The following DLGAP1 variants were observed in gnomAD, a reference collection of about 807,000 sequenced individuals.
DLGAP1 encodes DLG associated protein 1, also known as disks large-associated protein 1.
Under a neutral mutation model 90.8 loss-of-function variants are expected in DLGAP1, and 11 were observed. The ratio of observed to expected loss-of-function variants is 0.12; its 90% CI spans 0.08 to 0.20. The LOEUF is 0.20. Ranked by LOEUF, DLGAP1 falls within the 10% of genes least tolerant of loss-of-function variation. The probability of loss-of-function intolerance (pLI) is 1.00; values close to 1 mark genes in which losing one functional copy is unlikely to be tolerated. For synonymous variants in DLGAP1, 558 were observed against 540.7 expected, an observed-to-expected ratio of 1.03 and a Z score of -0.44; for missense variants, 1,050 against 1,333.8, an observed-to-expected ratio of 0.79 and a Z score of 3.31.
chr18:3,674,108 C>A (rs2060199803), intron 7 of DLGAP1, among the ~76,000 whole-genome samples: 1 of 151,924 alleles, frequency 6.6e-6, no homozygotes, highest in African/African-American at 2.4e-5. Flanking sequence ...TCCCAAAGTG[C>A]TGGGAGGACA....
chr18:3,787,351 G>A (rs1465746328), intron 5 of DLGAP1, among the ~76,000 whole-genome samples: 1 of 151,756 alleles, frequency 6.6e-6, no homozygotes. Context: ...CGTGGTGGTG[G>A]GCACCTGTAG....
At chr18:3,668,713 C>CT (rs2059969311) in intron 7 of DLGAP1, among the ~76,000 whole-genome samples, 1 of 152,138 alleles carries the variant, frequency 6.6e-6, no homozygotes, top group Non-Finnish European at 1.5e-5. Flanking sequence ...AAATAGAATG[C>CT]TTGGCCCAGT....
At chr18:3,875,429 C>T (rs1218612366) in intron 4 of DLGAP1, among the ~76,000 whole-genome samples, 1 of 152,156 alleles carries the variant, frequency 6.6e-6, no homozygotes, top group African/African-American at 2.4e-5. Flanking sequence ...CTTAATGAGA[C>T]ATACACAGTT....
At chr18:3,504,027 C>T (rs368857300) in intron 11 of DLGAP1, among the ~76,000 whole-genome samples, 4 of 152,216 alleles carry the variant, frequency 2.6e-5, no homozygotes, top group South Asian at 2.1e-4. Context: ...ACCTGAGAGG[C>T]GGAGATTGCA....
At chr18:4,440,365 AT>A (rs140728466) in intron 1 of DLGAP1, among the ~76,000 whole-genome samples, 5,433 of 152,124 alleles carry the variant, frequency 0.036, 192 homozygotes, top group African/African-American at 0.095. Flanking sequence ...GTATATAAAA[AT>A]TATTTTTACA....
chr18:4,063,901 T>A (rs1449879455), intron 2 of DLGAP1, among the ~76,000 whole-genome samples: 1 of 152,040 alleles, frequency 6.6e-6, no homozygotes, highest in Admixed American at 6.6e-5. Context: ...TTGTAGCCCA[T>A]TTTTCTATTA....
At chr18:4,425,546 G>A (rs1027249759) in intron 1 of DLGAP1, among the ~76,000 whole-genome samples, 3 of 152,054 alleles carry the variant, frequency 2.0e-5, no homozygotes, top group Non-Finnish European at 2.9e-5. Context: ...TCAGTTCCCC[G>A]GACAGGAATA....
intron 2 of DLGAP1, among the ~76,000 whole-genome samples, chr18:4,011,124 C>T (rs192389466): frequency 8.7e-4 from 127 of 145,926 alleles, no homozygotes; most frequent in African/African-American, 3.1e-3. Flanking sequence ...TGTAGTGAGC[C>T]GAGATGGCGT....
chr18:3,864,258 C>T (rs574753331), intron 4 of DLGAP1, among the ~76,000 whole-genome samples: 83 of 152,292 alleles, frequency 5.5e-4, no homozygotes, highest in Non-Finnish European at 8.4e-4. Context: ...AGAAATGCAA[C>T]GCTTAGTTCT....
chr18:3,731,048 G>C (rs1410496812), intron 6 of DLGAP1, among the ~76,000 whole-genome samples: 1 of 152,142 alleles, frequency 6.6e-6, no homozygotes, highest in Non-Finnish European at 1.5e-5. Flanking sequence ...TCTGGGTCAA[G>C]GATATACAGG....
At chr18:3,934,393 T>A (rs964422045) in intron 3 of DLGAP1, among the ~76,000 whole-genome samples, 2 of 152,154 alleles carry the variant, frequency 1.3e-5, no homozygotes, top group African/African-American at 4.8e-5. Context: ...GATTCATTCC[T>A]CCACTCACTC....
At chr18:4,390,770 C>T (rs2082325032) in intron 1 of DLGAP1, among the ~76,000 whole-genome samples, 1 of 152,190 alleles carries the variant, frequency 6.6e-6, no homozygotes, top group Non-Finnish European at 1.5e-5. Context: ...GGTTGCCTCC[C>T]AGTTTTTGGC....
chr18:4,125,439 A>C (rs2144149209), intron 2 of DLGAP1, among the ~76,000 whole-genome samples: 1 of 152,306 alleles, frequency 6.6e-6, no homozygotes, highest in East Asian at 1.9e-4. Flanking sequence ...CATTAGGGAC[A>C]ACAGGCTGGC....
At position 3,839,069 on chromosome 18, in the gene DLGAP1, G is replaced by A. The variant is rs575018676; in HGVS notation, c.958-24796C>T. 7.0e-4 allele frequency among the ~76,000 whole-genome samples: 107 copies of A among 152,240 alleles called. 1 individual carries two copies. Among genetic ancestry groups the A allele is most frequent in the African/African-American group, 2.5e-3 (103 of 41,540 alleles). On this transcript the variant is annotated intron_variant, in intron 4 of 12. Transcript: ENST00000315677. ...TTCATGCATGAAGCAGCTCTATTACGTGCTTTTATAATTTCTTGCTTTTGA... is the reference window on the plus strand; with the variant it reads ...TTCATGCATGAAGCAGCTCTATTACATGCTTTTATAATTTCTTGCTTTTGA...
chr18:3,812,398 G>A (rs2066889467), intron 5 of DLGAP1, among the ~76,000 whole-genome samples: 1 of 150,990 alleles, frequency 6.6e-6, no homozygotes, highest in South Asian at 2.1e-4. Context: ...TACCTTGTGT[G>A]GCAATGTTTT....
chr18:3,713,691 T>A (rs1239028037), intron 7 of DLGAP1, among the ~76,000 whole-genome samples: 1 of 152,226 alleles, frequency 6.6e-6, no homozygotes, highest in Non-Finnish European at 1.5e-5. Context: ...TCAGTAATCA[T>A]AAGTATTTGG....
At chr18:4,445,401 C>T (rs1368180622) in intron 1 of DLGAP1, among the ~76,000 whole-genome samples, 2 of 150,958 alleles carry the variant, frequency 1.3e-5, no homozygotes, top group African/African-American at 2.4e-5. Context: ...CACCCACTAA[C>T]TCGTCATCTA....
At chr18:3,546,251 C>G (rs2053006989) in intron 9 of DLGAP1, among the ~76,000 whole-genome samples, 1 of 151,932 alleles carries the variant, frequency 6.6e-6, no homozygotes, top group South Asian at 2.1e-4. Flanking sequence ...GGTGAAACGC[C>G]TTCGCTACAA....
intron 10 of DLGAP1, among the ~76,000 whole-genome samples, chr18:3,520,749 T>C (rs2051133062): frequency 6.6e-6 from 1 of 152,236 alleles, no homozygotes; most frequent in African/African-American, 2.4e-5. Flanking sequence ...GGGTACTTTA[T>C]TATGGCAGCC....
Sources: allele counts gnomAD v4.1 joint callset (sites outside exome capture counted in the v4.1 genomes callset), GRCh38; gene constraint gnomAD v4.1.1; transcripts MANE v1.5; gene names NCBI Gene and HGNC (gene_info 2026-07-23, HGNC 2026-07-21).